Variants in DNAH12 observed in about 807,000 individuals in gnomAD.
The protein encoded by DNAH12 is axonemal beta dynein heavy chain 12.
A neutral mutation model predicts 371.5 loss-of-function variants in DNAH12; 285 were observed. The ratio of observed to expected loss-of-function variants is 0.77; its 90% CI spans 0.70 to 0.85. DNAH12 has a LOEUF of 0.85. Among genes scored for constraint, DNAH12 ranks in the 40% least tolerant of loss-of-function variants. The probability of loss-of-function intolerance (pLI) is 0.00; values close to 1 mark genes in which losing one functional copy is unlikely to be tolerated. For synonymous variants in DNAH12, 1,200 were observed against 1,213.0 expected (o/e 0.99, Z 0.22); for missense variants, 3,611 against 3,689.4 (o/e 0.98, Z 0.55).
At chr3:57,376,622 TA>T (rs1246848507) in intron 53 of DNAH12, among the ~76,000 whole-genome samples, 62 of 152,264 alleles carry the variant, frequency 4.1e-4, no homozygotes, top group African/African-American at 1.4e-3. Flanking sequence ...TTCCTTAACA[TA>T]AAATTTAACC....
intron 4 of DNAH12, chr3:57,512,441 T>G (rs2068033401): frequency 6.6e-6 from 1 of 152,236 alleles, no homozygotes; most frequent in Admixed American, 6.5e-5. Flanking sequence ...GTGAAAATAC[T>G]ACTAAACAGT....
chr3:57,530,522 A>G, intron 2 of DNAH12: 2 of 720,292 alleles, frequency 2.8e-6, no homozygotes, highest in South Asian at 1.5e-5. Flanking sequence ...TTTTCCTTTC[A>G]TCATATTTCT....
the DNAH12 span, among the ~76,000 whole-genome samples, chr3:57,552,690 G>A: frequency 6.6e-6 from 1 of 152,142 alleles, no homozygotes; most frequent in African/African-American, 2.4e-5. Flanking sequence ...CAGGTGGATC[G>A]CTTGAGCCCA....
chr3:57,442,043 TG>T, intron 29 of DNAH12, among the ~76,000 whole-genome samples: 1 of 151,956 alleles, frequency 6.6e-6, no homozygotes, highest in Middle Eastern at 3.4e-3. Flanking sequence ...GGGCGCAGGG[TG>T]GGGTGGGGAG....
intron 60 of DNAH12, among the ~76,000 whole-genome samples, chr3:57,338,477 C>A (rs1247096430): frequency 6.6e-6 from 1 of 150,626 alleles, no homozygotes; most frequent in Non-Finnish European, 1.5e-5. Context: ...TGCCCGGCCG[C>A]CCCGTCTGGG....
chr3:57,397,986 CA>C (rs1268695047), intron 43 of DNAH12, among the ~76,000 whole-genome samples: 1 of 151,978 alleles, frequency 6.6e-6, no homozygotes, highest in East Asian at 1.9e-4. Context: ...AACTGACTAG[CA>C]AAAAATTTAA....
chr3:57,340,935 T>C (rs1166677532), intron 60 of DNAH12, among the ~76,000 whole-genome samples: 4 of 152,106 alleles, frequency 2.6e-5, no homozygotes, highest in Admixed American at 6.5e-5. Flanking sequence ...ATCAAAAATA[T>C]CATACACTAT....
At chr3:57,495,629 A>G (rs972098078) in intron 11 of DNAH12, among the ~76,000 whole-genome samples, 1 of 146,374 alleles carries the variant, frequency 6.8e-6, no homozygotes, top group Admixed American at 6.9e-5. Context: ...TATTATATAT[A>G]TTTTTATGTA....
Position 57,458,092 on chromosome 3 carries a change from A to T in DNAH12, c.3053+7T>A. The T allele has an allele frequency of 1.3e-6, 2 of 1,543,144 alleles. No individual in the cohort carries two copies. Among genetic ancestry groups the T allele is most frequent in the Non-Finnish European group, 1.7e-6 (2 of 1,144,658 alleles). On this transcript the variant is annotated splice_region_variant and intron_variant, in intron 21 of 73. Transcript: ENST00000495027. ...TTAATTACAGCACAATTGATTATTT[A>T]TCATACCGAGGGAAGAAAAGACGTT... is the stretch of plus-strand genomic sequence containing the variant.
At chr3:57,311,313 G>A (rs958879177) in intron 66 of DNAH12, among the ~76,000 whole-genome samples, 3 of 152,178 alleles carry the variant, frequency 2.0e-5, no homozygotes, top group South Asian at 2.1e-4. Context: ...CTGACCTCAG[G>A]TGATCCACCC....
rs2065426254 is a variant in DNAH12 at position 57,444,813 on chromosome 3, G to T, written c.4429C>A (p.Leu1477Ile). The stretch of plus-strand genomic sequence containing the variant: ...TCATTTACATCTTTAATTGATCGAA[G>T]AAGCTAAAATTACCCAAAAAGTACA... ...YPNENEDILL[L>I]RSIKDVNEPK... The change falls in exon 29 of 74, where the codon CTT (leucine) becomes ATT (isoleucine). Residue 1477 changes from leucine to isoleucine, a missense_variant. By Grantham distance (5) the Leu-to-Ile change is conservative. Coordinates refer to ENST00000495027, the MANE Select transcript of DNAH12 (RefSeq NM_001366028.2). 5.2e-6 allele frequency: 8 copies of T among 1,540,424 alleles called. No homozygotes were observed. Among genetic ancestry groups the T allele is most frequent in the South Asian group, 2.5e-5 (2 of 81,420 alleles).
intron 9 of DNAH12, among the ~76,000 whole-genome samples, chr3:57,503,590 T>C (rs4681990): frequency 0.42 from 64,389 of 151,836 alleles, 15,235 homozygotes; most frequent in South Asian, 0.58. Context: ...GGTTTCACCA[T>C]GTTGGCCAGG....
At chr3:57,361,400 CTA>C (rs1305154719) in intron 58 of DNAH12, among the ~76,000 whole-genome samples, 11 of 143,014 alleles carry the variant, frequency 7.7e-5, no homozygotes, top group African/African-American at 2.2e-4. Context: ...TACATACGCA[CTA>C]TATATATATA....
chr3:57,553,895 G>A, the DNAH12 span, among the ~76,000 whole-genome samples: 1 of 150,620 alleles, frequency 6.6e-6, no homozygotes, highest in Non-Finnish European at 1.5e-5. Context: ...CGCGATCTCG[G>A]CTCACTGCAA....
intron 39 of DNAH12, among the ~76,000 whole-genome samples, chr3:57,410,050 G>T (rs116523311): frequency 1.3e-5 from 2 of 152,096 alleles, no homozygotes; most frequent in African/African-American, 4.8e-5. Flanking sequence ...TCTTGACTTG[G>T]GGGAATGGTA....
At chr3:57,303,292 T>C (rs1354539827) in intron 69 of DNAH12, among the ~76,000 whole-genome samples, 1 of 136,626 alleles carries the variant, frequency 7.3e-6, no homozygotes, top group African/African-American at 2.9e-5. Context: ...TGAGCCCAGA[T>C]CTTGCCACTG....
chr3:57,302,958 G>A (rs914043187), intron 69 of DNAH12, among the ~76,000 whole-genome samples: 1 of 151,956 alleles, frequency 6.6e-6, no homozygotes, highest in Non-Finnish European at 1.5e-5. Context: ...AAGAAGAATA[G>A]TTAACAGATG....
chr3:57,520,376 C>T (rs1324438739), intron 4 of DNAH12, among the ~76,000 whole-genome samples: 1 of 151,846 alleles, frequency 6.6e-6, no homozygotes, highest in Non-Finnish European at 1.5e-5. Context: ...CAGGCATGAG[C>T]CACTGCGCCT....
At chr3:57,415,789 CTTTT>C (rs11326189) in intron 37 of DNAH12, among the ~76,000 whole-genome samples, 18 of 119,374 alleles carry the variant, frequency 1.5e-4, no homozygotes, top group African/African-American at 4.8e-4. Flanking sequence ...ATTTTTTATT[CTTTT>C]TTTTTTTTTT....
Sources: allele counts gnomAD v4.1 joint callset (sites outside exome capture counted in the v4.1 genomes callset), GRCh38; gene constraint gnomAD v4.1.1; transcripts MANE v1.5; gene names NCBI Gene and HGNC (gene_info 2026-07-23, HGNC 2026-07-21).